The following SH2B2 variants were observed in gnomAD, a reference collection of about 807,000 sequenced individuals.
SH2B2 encodes the protein SH2B adaptor protein 2, also known as SH2B adapter protein 2.
Under a neutral mutation model 35.7 loss-of-function variants are expected in SH2B2, and 37 were observed. That is an observed-to-expected ratio of 1.04 (90% CI 0.80 to 1.36). SH2B2 has a LOEUF of 1.36. Among genes scored for constraint, SH2B2 ranks in the 40% most tolerant of loss-of-function variants. The probability of loss-of-function intolerance (pLI) is 0.00; values close to 1 mark genes in which losing one functional copy is unlikely to be tolerated. For missense variants in SH2B2, 852 were observed against 817.7 expected, an observed-to-expected ratio of 1.04 and a Z score of -0.51; for synonymous variants, 383 against 376.4, an observed-to-expected ratio of 1.02 and a Z score of -0.20.
chr7:102,321,418 G>T lies in SH2B2; in HGVS notation c.1687G>T (p.Ala563Ser). 7.5e-7 allele frequency: 1 copy of T among 1,328,422 alleles called. No homozygotes were observed. The highest frequency in any genetic ancestry group is 1.7e-5 in the South Asian group (1 of 57,160). The allele number at this position is 1,328,422 out of a possible 1,614,324, so 82.3% of individuals were successfully genotyped here. Residue 563 changes from alanine (A) to serine (S), a missense_variant, in exon 9 of 9, where the codon GCC becomes TCC. Coordinates refer to ENST00000444095, the MANE Select transcript of SH2B2 (RefSeq NM_001359228.2). ...CTGCCCGCCTGCCTCGCCCTCCGAC[G>T]CCGCCGGCGCCTCCTCGTCTTCCGC... ...AACPPASPSD[A>S]AGASSSSASS...
At chr7:102,291,114 T>C (rs117888173) in intron 1 of SH2B2, among the ~76,000 whole-genome samples, 2,432 of 152,308 alleles carry the variant, frequency 0.016, 35 homozygotes, top group Non-Finnish European at 0.024. Context: ...GAGGTGGCCA[T>C]AGGGAGATGC....
rs1275987212 is a variant in SH2B2, at chr7:102,294,035, C to T, written c.-29-6487C>T. Among the ~76,000 whole-genome samples the T allele has an allele frequency of 5.3e-5, 8 of 151,968 alleles. No individual in the cohort carries two copies. In the East Asian group the frequency reaches 1.4e-3, roughly 26 times the overall value. ...CCTGGGAGAAGAGAAGGTTTTGTTT[C>T]GGTTTGGTTTTTTGAGACAGAGTCT... On this transcript the variant is annotated intron_variant, in intron 1 of 8. Coordinates refer to ENST00000444095, the MANE Select transcript of SH2B2 (RefSeq NM_001359228.2).
chr7:102,306,982 G>A (rs1586588366), intron 3 of SH2B2, among the ~76,000 whole-genome samples, 160 bp downstream of exon 3: 1 of 152,328 alleles, frequency 6.6e-6, no homozygotes, highest in East Asian at 1.9e-4. Context: ...TATGACAGAT[G>A]CCTAGCACAT....
intron 6 of SH2B2, among the ~76,000 whole-genome samples, chr7:102,315,744 G>GAAAAAAAAAAAAA (rs61456197): frequency 5.5e-5 from 5 of 90,544 alleles, no homozygotes; most frequent in East Asian, 3.7e-4. Context: ...CCTGTGAAAA[G>GAAAAAAAAAAAAA]AAAAAAAAAA....
chr7:102,310,265 G>T (rs1440753525), intron 4 of SH2B2, among the ~76,000 whole-genome samples: 2 of 152,188 alleles, frequency 1.3e-5, no homozygotes, highest in Non-Finnish European at 2.9e-5. Flanking sequence ...GCAGTGAGCT[G>T]AGACTGTGCC....
rs1282455221 is a variant in SH2B2, at chr7:102,317,217, C to T, written c.1217C>T (p.Ala406Val). The T allele has an allele frequency of 1.2e-6, 2 of 1,609,366 alleles. No homozygotes were observed. The highest frequency in any genetic ancestry group is 1.7e-6 in the Non-Finnish European group (2 of 1,177,950). The change falls in exon 7 of 9, where the codon GCT (alanine) becomes GTT (valine). Residue 406 changes from alanine (A) to valine (V), a missense_variant. By Grantham distance (64) the Ala-to-Val change is moderately conservative. Transcript: ENST00000444095. Reference protein sequence around the residue: ...GEQGAETDPEAEPELELSDYP... With the variant: ...GEQGAETDPEVEPELELSDYP... Reference sequence around the variant, plus strand: ...CAGGGTGCAGAGACGGATCCCGAGGCTGAACCCGAGCTGGAGCTATCCGAC... The same window carrying T: ...CAGGGTGCAGAGACGGATCCCGAGGTTGAACCCGAGCTGGAGCTATCCGAC...
chr7:102,286,681 G>A (rs1163427324), upstream of SH2B2, among the ~76,000 whole-genome samples: 7 of 150,412 alleles, frequency 4.7e-5, no homozygotes, highest in East Asian at 5.9e-4. Flanking sequence ...CAGCTGCGGG[G>A]AGCCAGCAAG....
chr7:102,295,224 G>A (rs912403690), intron 1 of SH2B2, among the ~76,000 whole-genome samples: 4 of 152,200 alleles, frequency 2.6e-5, no homozygotes, highest in African/African-American at 9.7e-5. Flanking sequence ...CCATGTGGGG[G>A]CATAATCATC....
At chr7:102,292,727 C>G (rs1554551964) in intron 1 of SH2B2, among the ~76,000 whole-genome samples, 2 of 152,042 alleles carry the variant, frequency 1.3e-5, no homozygotes, top group Non-Finnish European at 2.9e-5. Context: ...CTCAGTTTCC[C>G]CATAGCGAAT....
rs781952105 is a variant in SH2B2, at chr7:102,301,317, C to G, written c.729+38C>G. The G allele has an allele frequency of 3.2e-6, 5 of 1,568,496 alleles. No individual in the cohort carries two copies. In the African/African-American group the frequency reaches 6.9e-5, roughly 22 times the overall value. On this transcript the variant is annotated intron_variant, in intron 2 of 8. Transcript: ENST00000444095. ...ATAATCCCACCTAGCCTGGGGGGAC[C>G]AGAGGAGGCACCTGGGCAGCAGCTG...
At chr7:102,311,554 C>CTTTTT (rs1171961750) in intron 4 of SH2B2, among the ~76,000 whole-genome samples, 1 of 104,664 alleles carries the variant, frequency 9.6e-6, no homozygotes, top group Admixed American at 1.1e-4. Flanking sequence ...TGCAACTGGC[C>CTTTTT]TTTTTTTTTT....
chr7:102,321,003 G>A (rs968740839), intron 8 of SH2B2, among the ~76,000 whole-genome samples: 4 of 152,332 alleles, frequency 2.6e-5, no homozygotes, highest in South Asian at 4.1e-4. Context: ...GTGTGCATGC[G>A]TGCATGGGCA....
rs1793157720 is a variant in SH2B2 at position 102,301,039 on chromosome 7, A to G, written c.489A>G (p.Ala163=). 7.3e-7 allele frequency: 1 copy of G among 1,374,682 alleles called. No homozygotes were observed. The allele number at this position is 1,374,682 out of a possible 1,614,324, so 85.2% of individuals were successfully genotyped here. ...GCGCCTCGCCCGAGCCCGACGCGGC[A>G]GCTGCCCCGCGCACCGCCGAGCCCC... ...HRRASPEPDA[A]AAPRTAEPRD... Residue 163 remains alanine, a synonymous_variant, in exon 2 of 9, where the codon GCA becomes GCG. Coordinates refer to ENST00000444095, the MANE Select transcript of SH2B2 (RefSeq NM_001359228.2).
upstream of SH2B2, among the ~76,000 whole-genome samples, chr7:102,286,678 G>T (rs1554550872): frequency 6.7e-6 from 1 of 150,214 alleles, no homozygotes; most frequent in Non-Finnish European, 1.5e-5. Context: ...CCGCAGCTGC[G>T]GGGAGCCAGC....
chr7:102,309,637 C>T (rs782264512), intron 4 of SH2B2: 3 of 204,704 alleles, frequency 1.5e-5, no homozygotes, highest in Non-Finnish European at 3.1e-5. Flanking sequence ...CTGGGATTAC[C>T]GGCATGAGCC....
intron 2 of SH2B2, among the ~76,000 whole-genome samples, chr7:102,303,421 C>T (rs1312700768): frequency 6.6e-6 from 1 of 152,142 alleles, no homozygotes; most frequent in African/African-American, 2.4e-5. Context: ...TCCCTGGGTG[C>T]TCTCTGAGTC....
In SH2B2 at chr7:102,300,868, A is replaced by C; in HGVS notation, c.318A>C (p.Ala106=). ...AGCCGGAGCTCGCGGACACCTCTGC[A>C]CTCAAGGCGGCGCCCTACGGCCACT... ...AMEPELADTS[A]LKAAPYGHSR... The change falls in exon 2 of 9, where the codon GCA becomes GCC. Residue 106 remains alanine (A), a synonymous_variant. Coordinates refer to ENST00000444095, the MANE Select transcript of SH2B2 (RefSeq NM_001359228.2). 6.8e-7 allele frequency: 1 copy of C among 1,463,060 alleles called. No individual in the cohort carries two copies. The highest frequency in any genetic ancestry group is 1.4e-5 in the African/African-American group (1 of 69,132). The allele number at this position is 1,463,060 out of a possible 1,614,324, so 90.6% of individuals were successfully genotyped here.
Position 102,320,307 on chromosome 7 carries a change from G to A in SH2B2, c.1396-24G>A, listed in dbSNP as rs183757869. ...GGTGCCCAGCCCCGGACCTGCCCCT[G>A]ACCACACCCACCTGTACCCACAGCA... On this transcript the variant is annotated intron_variant, in intron 7 of 8. Transcript: ENST00000444095. The A allele has an allele frequency of 1.4e-4, 226 of 1,598,710 alleles. No individual in the cohort carries two copies. The African/African-American group carries it at 2.8e-3, about 20-fold the overall frequency.
At position 102,321,382 on chromosome 7, in the gene SH2B2, G is replaced by A; in HGVS notation, c.1651G>A (p.Ala551Thr). Residue 551 changes from alanine (A) to threonine (T), a missense_variant, in exon 9 of 9, where the codon GCC (alanine) becomes ACC (threonine). Physicochemically the swap from Ala to Thr is moderately conservative, Grantham distance 58 (BLOSUM62 0). Transcript: ENST00000444095. ...SPGQHYFSSL[A>T]AAACPPASPS... The stretch of plus-strand genomic sequence containing the variant: ...CGGCCAGCACTACTTCTCCAGCCTC[G>A]CCGCGGCCGCCTGCCCGCCTGCCTC... The A allele has an allele frequency of 3.6e-6, 5 of 1,389,058 alleles. No homozygotes were observed. Among genetic ancestry groups the A allele is most frequent in the South Asian group, 1.5e-5 (1 of 66,584 alleles). The allele number at this position is 1,389,058 out of a possible 1,614,324, so 86.0% of individuals were successfully genotyped here.
Sources: allele counts gnomAD v4.1 joint callset (sites outside exome capture counted in the v4.1 genomes callset), GRCh38; gene constraint gnomAD v4.1.1; transcripts MANE v1.5; gene names NCBI Gene and HGNC (gene_info 2026-07-23, HGNC 2026-07-21).